Variants in DPYD observed in about 807,000 individuals in gnomAD.
DPYD encodes dihydropyrimidine dehydrogenase [NADP(+)].
A neutral mutation model predicts 116.2 loss-of-function variants in DPYD; 109 were observed. That is an observed-to-expected ratio of 0.94 (90% CI 0.80 to 1.10). DPYD has a LOEUF of 1.10. Among genes scored for constraint, DPYD ranks in the 50% least tolerant of loss-of-function variants. The pLI is 0.00. For missense variants in DPYD, 1,302 were observed against 1,254.5 expected, an observed-to-expected ratio of 1.04 and a Z score of -0.57; for synonymous variants, 440 against 432.0, an observed-to-expected ratio of 1.02 and a Z score of -0.23.
At chr1:97,235,086 G>A (rs552689858) in intron 18 of DPYD, 92 bp from the exon 19 acceptor site, 101 of 1,466,044 alleles carry the variant, frequency 6.9e-5, no homozygotes, top group African/African-American at 8.3e-5. Flanking sequence ...TGATGACAGC[G>A]TCACTGGACA....
intron 2 of DPYD, among the ~76,000 whole-genome samples, chr1:97,875,761 A>G (rs1671881290): frequency 6.6e-6 from 1 of 151,968 alleles, no homozygotes; most frequent in Non-Finnish European, 1.5e-5. Context: ...ACACACGCAA[A>G]ATTATTAAAT....
chr1:97,706,939 G>A (rs1044454076), intron 5 of DPYD, among the ~76,000 whole-genome samples: 1 of 152,030 alleles, frequency 6.6e-6, no homozygotes, highest in African/African-American at 2.4e-5. Context: ...CAAATTGGCT[G>A]TACCATTTTG....
chr1:97,313,075 C>A (rs552221832), intron 16 of DPYD, among the ~76,000 whole-genome samples: 2 of 151,970 alleles, frequency 1.3e-5, no homozygotes, highest in South Asian at 4.1e-4. Context: ...GCAAACCAGG[C>A]ACACAATAAA....
intron 2 of DPYD, among the ~76,000 whole-genome samples, chr1:97,854,506 T>A (rs1034336894): frequency 6.6e-6 from 1 of 152,220 alleles, no homozygotes; most frequent in Non-Finnish European, 1.5e-5. Flanking sequence ...GAGAGAGTTC[T>A]ATTCAGTATC....
chr1:97,254,410 A>G (rs986098147), intron 18 of DPYD, among the ~76,000 whole-genome samples: 10 of 152,206 alleles, frequency 6.6e-5, no homozygotes, highest in South Asian at 2.1e-4. Flanking sequence ...TTAACTGTCA[A>G]CTCTGGTCTT....
At chr1:97,700,687 A>C (rs1661548731) in intron 5 of DPYD, among the ~76,000 whole-genome samples, 1 of 152,078 alleles carries the variant, frequency 6.6e-6, no homozygotes, top group African/African-American at 2.4e-5. Context: ...AGCCTGCAAG[A>C]AAAATAAACC....
At chr1:97,399,094 T>A (rs1399934061) in intron 14 of DPYD, among the ~76,000 whole-genome samples, 4 of 152,214 alleles carry the variant, frequency 2.6e-5, no homozygotes, top group Non-Finnish European at 4.4e-5. Context: ...AACATGTAAG[T>A]CTTTAATCGG....
intron 18 of DPYD, among the ~76,000 whole-genome samples, chr1:97,236,590 T>C (rs752115704): frequency 3.9e-5 from 6 of 152,122 alleles, no homozygotes; most frequent in Non-Finnish European, 7.4e-5. Context: ...GCAAAGAGGA[T>C]TTTTAGGACA....
intron 1 of DPYD, among the ~76,000 whole-genome samples, chr1:97,920,019 T>C (rs562516809): frequency 5.3e-5 from 8 of 152,304 alleles, no homozygotes; most frequent in South Asian, 2.1e-4. Context: ...CACATAATTT[T>C]CTACCAGAGT....
intron 1 of DPYD, 122 bp downstream of exon 1, chr1:97,920,762 G>A (rs1422952156): frequency 1.4e-5 from 20 of 1,387,486 alleles, no homozygotes; most frequent in Non-Finnish European, 2.0e-5. Flanking sequence ...CTCCCACGGG[G>A]GAAACTTTCC....
At chr1:97,276,722 T>C (rs1435124148) in intron 18 of DPYD, among the ~76,000 whole-genome samples, 1 of 149,608 alleles carries the variant, frequency 6.7e-6, no homozygotes, top group East Asian at 1.9e-4. Flanking sequence ...ACTGGTGAGG[T>C]TGTGGAGAAA....
chr1:97,848,823 AT>A (rs1024415429), intron 2 of DPYD, among the ~76,000 whole-genome samples: 2 of 152,120 alleles, frequency 1.3e-5, no homozygotes, highest in Non-Finnish European at 2.9e-5. Context: ...AGGTTTCGGG[AT>A]TTTTTTCTGT....
intron 20 of DPYD, among the ~76,000 whole-genome samples, chr1:97,100,519 G>C (rs1439990794): frequency 6.6e-6 from 1 of 152,008 alleles, no homozygotes; most frequent in Non-Finnish European, 1.5e-5. Context: ...AGGTTAGCAG[G>C]CTCCATGAAA....
chr1:97,662,278 A>G (rs572771871), intron 8 of DPYD, among the ~76,000 whole-genome samples: 4 of 151,830 alleles, frequency 2.6e-5, no homozygotes, highest in African/African-American at 9.7e-5. Context: ...CTGGGATTAC[A>G]GGTGTCAGCC....
chr1:97,865,049 A>C (rs542421719), intron 2 of DPYD, among the ~76,000 whole-genome samples: 1 of 152,000 alleles, frequency 6.6e-6, no homozygotes, highest in East Asian at 1.9e-4. Context: ...ATATTGCTGC[A>C]GAAGGAGAGG....
chr1:97,261,346 A>C (rs868574696), intron 18 of DPYD, among the ~76,000 whole-genome samples: 1 of 152,038 alleles, frequency 6.6e-6, no homozygotes, highest in African/African-American at 2.4e-5. Flanking sequence ...CTTTATTGTA[A>C]ATATATGTAT....
At chr1:97,386,444 G>A (rs1029049312) in intron 14 of DPYD, among the ~76,000 whole-genome samples, 1 of 152,044 alleles carries the variant, frequency 6.6e-6, no homozygotes, top group Non-Finnish European at 1.5e-5. Context: ...ACAGGATGGA[G>A]AGAGATCCCC....
At chr1:97,471,148 T>C (rs1677625750) in intron 13 of DPYD, among the ~76,000 whole-genome samples, 1 of 152,220 alleles carries the variant, frequency 6.6e-6, no homozygotes, top group Admixed American at 6.5e-5. Context: ...GAACAGAGCC[T>C]TATATGCCTA....
At chr1:97,111,160 TG>T (rs1484024569) in intron 20 of DPYD, among the ~76,000 whole-genome samples, 1 of 152,116 alleles carries the variant, frequency 6.6e-6, no homozygotes, top group Non-Finnish European at 1.5e-5. Flanking sequence ...GCCTCATCCT[TG>T]GGCTACTGCA....
Sources: allele counts gnomAD v4.1 joint callset (sites outside exome capture counted in the v4.1 genomes callset), GRCh38; gene constraint gnomAD v4.1.1; transcripts MANE v1.5; gene names NCBI Gene and HGNC (gene_info 2026-07-23, HGNC 2026-07-21).